SLC25A26: variants seen among roughly 807,000 people sequenced by gnomAD.
SLC25A26 encodes mitochondrial S-adenosylmethionine carrier protein.
A neutral mutation model predicts 37.8 loss-of-function variants in SLC25A26; 36 were observed. The ratio of observed to expected loss-of-function variants is 0.95; its 90% CI spans 0.73 to 1.26. The LOEUF (loss-of-function observed/expected upper bound fraction) is 1.26, where lower values mean the gene tolerates loss of function less well. Among genes scored for constraint, SLC25A26 ranks in the 50% most tolerant of loss-of-function variants. The probability of loss-of-function intolerance (pLI) is 0.00; values close to 1 mark genes in which losing one functional copy is unlikely to be tolerated. For synonymous variants in SLC25A26, 129 were observed against 122.5 expected (o/e 1.05, Z -0.35); for missense variants, 390 against 331.1 (o/e 1.18, Z -1.38).
At position 66,346,366 on chromosome 3, in the gene SLC25A26, T is replaced by G; in HGVS notation, c.456T>G (p.Ile152Met). The G allele has an allele frequency of 6.7e-7, 1 of 1,491,200 alleles. No individual in the cohort carries two copies. The highest frequency in any genetic ancestry group is 9.0e-7 in the Non-Finnish European group (1 of 1,114,732). 92.4% of individuals were successfully genotyped at this position (1,491,200 alleles called of 1,614,324 possible). The change falls in exon 6 of 10, where the codon ATT becomes ATG. Residue 152 changes from isoleucine (I) to methionine (M), a missense_variant and splice_region_variant. Ile to Met is a conservative substitution (Grantham distance 10). Transcript: ENST00000354883. ...RGYKSTVLRE[I>M]PFSLVQFPLW... Reference sequence around the variant, plus strand: ...TAATTTTTTTTTTCTCTCTTCAGATTCCTTTTTCTTTGGTCCAGTTTCCCT... The same window carrying G: ...TAATTTTTTTTTTCTCTCTTCAGATGCCTTTTTCTTTGGTCCAGTTTCCCT...
At chr3:66,183,308 C>T (rs1188429625) in intron 1 of SLC25A26, among the ~76,000 whole-genome samples, 1 of 152,016 alleles carries the variant, frequency 6.6e-6, no homozygotes, top group East Asian at 1.9e-4. Flanking sequence ...TACCATGACT[C>T]TCAGCTATGC....
chr3:66,346,263 T>A (rs529241312), intron 5 of SLC25A26, 101 bp from the exon 6 acceptor site: 1 of 573,642 alleles, frequency 1.7e-6, no homozygotes, highest in East Asian at 3.1e-5. Context: ...GATATTAGCT[T>A]TGTTATAAAG....
At chr3:66,281,740 G>C (rs1334986625) in intron 5 of SLC25A26, among the ~76,000 whole-genome samples, 1 of 151,054 alleles carries the variant, frequency 6.6e-6, no homozygotes, top group Non-Finnish European at 1.5e-5. Flanking sequence ...TTATTCTTTT[G>C]ATACTTAAAC....
intron 5 of SLC25A26, among the ~76,000 whole-genome samples, chr3:66,300,952 G>A (rs1418838976): frequency 1.3e-5 from 2 of 152,148 alleles, no homozygotes; most frequent in Non-Finnish European, 2.9e-5. Context: ...TTTCTAAGCA[G>A]ATTTGGGAAT....
intron 1 of SLC25A26, among the ~76,000 whole-genome samples, chr3:66,160,226 G>A (rs545526476): frequency 6.6e-6 from 1 of 152,222 alleles, no homozygotes; most frequent in Admixed American, 6.5e-5. Context: ...CTGACCTCAG[G>A]TGATCTGCCT....
At chr3:66,209,044 A>ATG (rs2071229113) in intron 1 of SLC25A26, among the ~76,000 whole-genome samples, 2 of 10,852 alleles carry the variant, frequency 1.8e-4, no homozygotes, top group African/African-American at 2.7e-4. Context: ...AAAGGTGTAT[A>ATG]TATATATATA....
chr3:66,276,337 C>T (rs2074145593), intron 5 of SLC25A26, among the ~76,000 whole-genome samples: 1 of 152,060 alleles, frequency 6.6e-6, no homozygotes, highest in African/African-American at 2.4e-5. Flanking sequence ...ATTCTTATTA[C>T]ACTTTGCTTC....
intron 5 of SLC25A26, among the ~76,000 whole-genome samples, chr3:66,296,812 C>T (rs1258934531): frequency 6.6e-6 from 1 of 152,140 alleles, no homozygotes; most frequent in African/African-American, 2.4e-5. Flanking sequence ...TAACGAATGG[C>T]ATAAAATGGA....
intron 3 of SLC25A26, among the ~76,000 whole-genome samples, chr3:66,247,979 C>T (rs1327202397): frequency 1.3e-5 from 2 of 152,080 alleles, no homozygotes; most frequent in African/African-American, 2.4e-5. Context: ...GTATAGTAAC[C>T]TAGAGATTAT....
intron 6 of SLC25A26, among the ~76,000 whole-genome samples, chr3:66,357,401 A>G (rs2076601549): frequency 6.6e-6 from 1 of 152,216 alleles, no homozygotes; most frequent in Admixed American, 6.5e-5. Context: ...GTAACAGAAC[A>G]AGATCCTGTC....
rs1559757454 is a variant in SLC25A26 at position 66,378,510 on chromosome 3, A to AGCCATTCTCGCCATTC, written c.*704_*719dup. 1 of 152,622 alleles carries AGCCATTCTCGCCATTC rather than the reference A, an allele frequency of 6.6e-6. No individual in the cohort carries two copies. The highest frequency in any genetic ancestry group is 6.6e-5 in the Admixed American group (1 of 15,266). 9.5% of individuals were successfully genotyped at this position (152,622 alleles called of 1,614,324 possible). On this transcript the variant is annotated 3_prime_UTR_variant, in exon 10 of 10. Transcript: ENST00000354883. The stretch of plus-strand genomic sequence containing the variant: ...TTCGTGCAGGAGGGCACGGTGGGTG[A>AGCCATTCTCGCCATTC]GCCATTCTCGCCATTCTCATGTCAG...
intron 5 of SLC25A26, among the ~76,000 whole-genome samples, chr3:66,280,507 A>G (rs1438295583): frequency 6.6e-6 from 1 of 152,160 alleles, no homozygotes; most frequent in African/African-American, 2.4e-5. Flanking sequence ...TGGTGGTGTA[A>G]CTTGATCTAC....
chr3:66,154,331 T>A (rs1054431915), intron 1 of SLC25A26, among the ~76,000 whole-genome samples: 6 of 152,070 alleles, frequency 3.9e-5, no homozygotes, highest in Admixed American at 1.3e-4. Flanking sequence ...GCAGAGATTA[T>A]CCTAAAAATA....
chr3:66,316,443 C>G (rs925171150), intron 5 of SLC25A26, among the ~76,000 whole-genome samples: 1 of 152,150 alleles, frequency 6.6e-6, no homozygotes, highest in African/African-American at 2.4e-5. Context: ...AATATCAGCC[C>G]CTAATGTCTT....
At chr3:66,352,682 A>AT (rs2076485834) in intron 6 of SLC25A26, among the ~76,000 whole-genome samples, 1 of 151,960 alleles carries the variant, frequency 6.6e-6, no homozygotes, top group Admixed American at 6.5e-5. Context: ...CGTGCCAGGC[A>AT]TTTTCCAGGG....
At chr3:66,319,614 T>A (rs1399489654) in intron 5 of SLC25A26, among the ~76,000 whole-genome samples, 1 of 152,148 alleles carries the variant, frequency 6.6e-6, no homozygotes, top group South Asian at 2.1e-4. Context: ...AAAATTATTG[T>A]CTAATCTTCC....
At chr3:66,222,620 CTT>C (rs36172241) in intron 1 of SLC25A26, among the ~76,000 whole-genome samples, 21,472 of 152,142 alleles carry the variant, frequency 0.14, 1,667 homozygotes, top group East Asian at 0.23. Flanking sequence ...TAATTGAACT[CTT>C]ATCCTAATTT....
At chr3:66,181,552 T>C (rs1014358059) in intron 1 of SLC25A26, among the ~76,000 whole-genome samples, 1 of 152,172 alleles carries the variant, frequency 6.6e-6, no homozygotes, top group African/African-American at 2.4e-5. Flanking sequence ...TATTATTTCA[T>C]TTGATTTTTA....
At chr3:66,214,829 A>G (rs1192803450) in intron 1 of SLC25A26, among the ~76,000 whole-genome samples, 1 of 152,194 alleles carries the variant, frequency 6.6e-6, no homozygotes, top group Non-Finnish European at 1.5e-5. Flanking sequence ...TCTCAAGAAT[A>G]GAAAAATGTT....
Sources: gnomAD v4.1 joint callset for allele counts (sites outside exome capture counted in the v4.1 genomes callset) on GRCh38, gnomAD v4.1.1 for gene constraint, MANE v1.5 for transcripts, NCBI Gene and HGNC (gene_info 2026-07-23, HGNC 2026-07-21) for gene names.